The following SEC14L1 variants were observed in gnomAD, a reference collection of about 807,000 sequenced individuals.
SEC14L1 encodes the protein SEC14 like lipid binding 1, also known as SEC14-like protein 1.
In SEC14L1, 48 loss-of-function variants were observed where a neutral mutation model predicts 85.3. That is an observed-to-expected ratio of 0.56 (90% CI 0.45 to 0.72). The LOEUF (loss-of-function observed/expected upper bound fraction) is 0.72. SEC14L1 is among the 30% of genes least tolerant of loss of function. The probability of loss-of-function intolerance (pLI) is 0.00; values close to 1 mark genes in which losing one functional copy is unlikely to be tolerated. For synonymous variants in SEC14L1, 391 were observed against 355.5 expected (o/e 1.10, Z -1.12); for missense variants, 682 against 921.4 (o/e 0.74, Z 3.36).
At chr17:77,127,630 G>A (rs186982365) in intron 3 of SEC14L1, among the ~76,000 whole-genome samples, 21 of 152,038 alleles carry the variant, frequency 1.4e-4, no homozygotes, top group African/African-American at 3.9e-4. Context: ...GATTACAGGC[G>A]TAAGCCACCA....
chr17:77,194,936 C>T (rs762961633), intron 7 of SEC14L1, 25 bp downstream of exon 7: 37 of 1,569,378 alleles, frequency 2.4e-5, no homozygotes, highest in African/African-American at 9.5e-5. Flanking sequence ...GGCTTCATCC[C>T]GAGAGCAAGG....
At chr17:77,104,159 A>T (rs550411477) in intron 3 of SEC14L1, among the ~76,000 whole-genome samples, 1 of 140,310 alleles carries the variant, frequency 7.1e-6, no homozygotes, top group Non-Finnish European at 1.5e-5. Context: ...CTCCTCTGTC[A>T]CCCAGGCTAG....
At chr17:77,144,360 C>T (rs1973183432) in intron 3 of SEC14L1, among the ~76,000 whole-genome samples, 1 of 152,134 alleles carries the variant, frequency 6.6e-6, no homozygotes, top group Non-Finnish European at 1.5e-5. Flanking sequence ...GATACTGGCA[C>T]CAAGGTCAGG....
chr17:77,099,196 A>C (rs1598215637), intron 3 of SEC14L1: 1 of 152,282 alleles, frequency 6.6e-6, no homozygotes, highest in South Asian at 2.1e-4. Flanking sequence ...ACATTTAGAT[A>C]ATTTTATTGA....
chr17:77,173,588 G>A (rs567761509), intron 3 of SEC14L1, among the ~76,000 whole-genome samples: 30 of 152,296 alleles, frequency 2.0e-4, no homozygotes, highest in African/African-American at 7.2e-4. Flanking sequence ...CTGAGGGACA[G>A]GACTCTTGTT....
At chr17:77,137,656 G>A (rs1334385635), upstream of SEC14L1, among the ~76,000 whole-genome samples, 1 of 152,240 alleles carries the variant, frequency 6.6e-6, no homozygotes, top group East Asian at 1.9e-4. Context: ...CATCAGGACT[G>A]AGACCTAAGA....
Position 77,214,874 on chromosome 17 carries a change from A to C in SEC14L1, c.*851A>C, listed in dbSNP as rs894691355. 4 of 985,188 alleles carry C rather than the reference A, an allele frequency of 4.1e-6. No homozygotes were observed. Among genetic ancestry groups the C allele is most frequent in the African/African-American group, 3.5e-5 (2 of 57,154 alleles). The allele number at this position is 985,188 out of a possible 1,614,324, so 61.0% of individuals were successfully genotyped here. On this transcript the variant is annotated 3_prime_UTR_variant, in exon 17 of 17. Coordinates refer to ENST00000436233, the MANE Select transcript of SEC14L1 (RefSeq NM_001143998.2). ...TCTCCTCTGTGCCCTCTGGTGGCTC[A>C]TTGTCCTCAGAGCCCAGACAGTTCC...
In SEC14L1 at chr17:77,123,485, C is replaced by T. The variant is rs576961532; in HGVS notation, c.-135-19161C>T. On this transcript the variant is annotated intron_variant, in intron 3 of 19. Transcript: ENST00000392476. ...GGAGTGCGGTGGCGAGATCTTGGCT[C>T]GCTGCAACCTCCGCCTTCTGGGTTC... Among the ~76,000 whole-genome samples, 45 of 139,586 alleles carry T rather than the reference C, an allele frequency of 3.2e-4. No homozygotes were observed. In the Admixed American group the frequency reaches 3.3e-3, roughly 10 times the overall value. The allele number at this position is 139,586 out of a possible 152,430, so 91.6% of individuals were successfully genotyped here.
intron 3 of SEC14L1, among the ~76,000 whole-genome samples, chr17:77,172,629 C>T (rs773300224): frequency 6.6e-6 from 1 of 152,102 alleles, no homozygotes; most frequent in Admixed American, 6.5e-5. Flanking sequence ...TTTTCTATAA[C>T]GTGTTTTGTG....
Position 77,213,547 on chromosome 17 carries a change from G to C in SEC14L1, c.2042+55G>C, listed in dbSNP as rs1343250239. On this transcript the variant is annotated intron_variant, in intron 16 of 16. Transcript: ENST00000436233. The surrounding 1 kb of genome is among the most constrained non-coding windows in gnomAD (Gnocchi z 7.1). ...GCGGACAGCTGGGCATGGTTGGAGG[G>C]AGCCTGCAGTCCCACGCCGTGTGCA... 6.3e-7 allele frequency: 1 copy of C among 1,588,260 alleles called. No individual in the cohort carries two copies. The highest frequency in any genetic ancestry group is 8.5e-7 in the Non-Finnish European group (1 of 1,170,548).
At position 77,216,505 on chromosome 17, in the gene SEC14L1, T is replaced by C. The variant is rs745654165; in HGVS notation, c.*2482T>C. Reference sequence around the variant, plus strand: ...TTCCTGTTCCCAAATCACAAGGGCCTGAAGGTGGTCCCTGCTTTCTCTTTC... The same window carrying C: ...TTCCTGTTCCCAAATCACAAGGGCCCGAAGGTGGTCCCTGCTTTCTCTTTC... On this transcript the variant is annotated 3_prime_UTR_variant, in exon 17 of 17. Coordinates refer to ENST00000436233, the MANE Select transcript of SEC14L1 (RefSeq NM_001143998.2). 29 of 1,612,958 alleles carry C rather than the reference T, an allele frequency of 1.8e-5. No homozygotes were observed. The highest frequency in any genetic ancestry group is 2.5e-5 in the Non-Finnish European group (29 of 1,179,324).
rs567331836 is a variant in SEC14L1, at chr17:77,108,394, C to T, written c.-136+15047C>T. 1.8e-4 allele frequency among the ~76,000 whole-genome samples: 28 copies of T among 152,182 alleles called. No homozygotes were observed. The South Asian group carries it at 3.3e-3, about 18-fold the overall frequency. On this transcript the variant is annotated intron_variant, in intron 3 of 19. Transcript: ENST00000392476. Reference sequence around the variant, plus strand: ...GCCCTATGGTTCGTGTGGGTTCTTCCCACAGGTAACTGAAACAGAGGGCCA... The same window carrying T: ...GCCCTATGGTTCGTGTGGGTTCTTCTCACAGGTAACTGAAACAGAGGGCCA...
At chr17:77,108,848 A>T (rs1219123394) in intron 3 of SEC14L1, among the ~76,000 whole-genome samples, 8 of 143,980 alleles carry the variant, frequency 5.6e-5, no homozygotes, top group African/African-American at 2.0e-4. Flanking sequence ...TTTGAGACAG[A>T]GTTTGGTTCT....
rs546141108 is a variant in SEC14L1, at chr17:77,163,688, T to C, written c.63+20029T>C. Among the ~76,000 whole-genome samples the C allele has an allele frequency of 5.9e-5, 9 of 152,342 alleles. No individual in the cohort carries two copies. The East Asian group carries it at 1.7e-3, about 29-fold the overall frequency. ...ATGGATATTCAGTCTTCATATGCTGTCAAGTTTCTTTAAGATCAAAGGAGC... is the reference window on the plus strand; with the variant it reads ...ATGGATATTCAGTCTTCATATGCTGCCAAGTTTCTTTAAGATCAAAGGAGC... On this transcript the variant is annotated intron_variant, in intron 3 of 16. Transcript: ENST00000436233.
chr17:77,200,920 C>T (rs571080421), intron 9 of SEC14L1, among the ~76,000 whole-genome samples: 149 of 152,352 alleles, frequency 9.8e-4, no homozygotes, highest in Admixed American at 3.8e-3. Flanking sequence ...CACACGTCAT[C>T]CTTGGGCAAA....
intron 3 of SEC14L1, among the ~76,000 whole-genome samples, chr17:77,169,992 T>G (rs376733567): frequency 6.6e-6 from 1 of 152,176 alleles, no homozygotes; most frequent in Non-Finnish European, 1.5e-5. Flanking sequence ...CTACCAGTTA[T>G]AGGATCGGCC....
chr17:77,153,148 A>G (rs570832279), intron 3 of SEC14L1, among the ~76,000 whole-genome samples: 2 of 151,998 alleles, frequency 1.3e-5, no homozygotes, highest in Admixed American at 6.6e-5. Context: ...GCTCACTGCA[A>G]CCTCCGCCTC....
At chr17:77,122,241 A>G (rs952786814) in intron 3 of SEC14L1, among the ~76,000 whole-genome samples, 5 of 152,220 alleles carry the variant, frequency 3.3e-5, no homozygotes, top group African/African-American at 1.2e-4. Flanking sequence ...CAGGCAAGAA[A>G]ACATAAATTG....
Position 77,196,122 on chromosome 17 carries a change from TA to T in SEC14L1, c.710-78del. ...CCTCTAGGACTCTAGGACCACACGT[TA>T]ACTCCACTGAGCACAAAGACTTTGG... On this transcript the variant is annotated intron_variant, in intron 7 of 16. Transcript: ENST00000436233. 7 of 1,101,286 alleles carry T rather than the reference TA, an allele frequency of 6.4e-6. No individual in the cohort carries two copies. The South Asian group carries it at 8.9e-5, about 14-fold the overall frequency. The allele number at this position is 1,101,286 out of a possible 1,614,324, so 68.2% of individuals were successfully genotyped here.
Sources: gnomAD v4.1 joint callset for allele counts (sites outside exome capture counted in the v4.1 genomes callset) on GRCh38, gnomAD v4.1.1 for gene constraint, Gnocchi (gnomAD v3.1) non-coding constraint, MANE v1.5 for transcripts, NCBI Gene and HGNC (gene_info 2026-07-23, HGNC 2026-07-21) for gene names.